The following AGPS variants were observed in gnomAD, a reference collection of about 807,000 sequenced individuals.
AGPS encodes alkylglycerone phosphate synthase, also known as alkyldihydroxyacetonephosphate synthase, peroxisomal.
Under a neutral mutation model 90.7 loss-of-function variants are expected in AGPS, and 26 were observed. The observed-to-expected ratio is 0.29, with a 90% CI of 0.21 to 0.40. AGPS has a LOEUF of 0.40. AGPS is among the 10% of genes least tolerant of loss of function. AGPS has a pLI of 1.00. For synonymous variants in AGPS, 294 were observed against 285.3 expected, an observed-to-expected ratio of 1.03 and a Z score of -0.31; for missense variants, 540 against 816.1, an observed-to-expected ratio of 0.66 and a Z score of 4.12.
chr2:177,521,312 T>G lies in AGPS; in HGVS notation c.1741T>G (p.Phe581Val). 1 of 1,614,118 alleles carries G rather than the reference T, an allele frequency of 6.2e-7. No homozygotes were observed. Among genetic ancestry groups the G allele is most frequent in the Non-Finnish European group, 8.5e-7 (1 of 1,179,968 alleles). The change falls in exon 18 of 20, where the codon TTT becomes GTT. Residue 581 changes from phenylalanine (F) to valine (V), a missense_variant. Physicochemically the swap from Phe to Val is conservative, Grantham distance 50 (BLOSUM62 -1). Around this residue, in one of 2 missense-constraint regions of AGPS, gnomAD observed 405 missense variants for 692.1 expected, o/e 0.59. Transcript: ENST00000264167. Reference protein sequence around the residue: ...YDAGACIYFYFAFNYRGISDP... With the variant: ...YDAGACIYFYVAFNYRGISDP... ...TGCAGGTGCTTGTATCTACTTCTAT[T>G]TTGCCTTTAACTACAGGGGAATTAG...
At chr2:177,454,399 G>T (rs1354584723) in intron 8 of AGPS, among the ~76,000 whole-genome samples, 2 of 151,414 alleles carry the variant, frequency 1.3e-5, no homozygotes, top group African/African-American at 4.9e-5. Context: ...TTTAATTTGG[G>T]CCTTTTTATA....
chr2:177,518,422 G>A lies in AGPS; in HGVS notation c.1698-2847G>A, dbSNP rs562308271. 2.1e-3 allele frequency among the ~76,000 whole-genome samples: 325 copies of A among 151,998 alleles called. 1 individual carries two copies. The highest frequency in any genetic ancestry group is 3.5e-3 in the Non-Finnish European group (241 of 67,942). On this transcript the variant is annotated intron_variant, in intron 17 of 19. Transcript: ENST00000264167. ...CTACACTCCAGCCTGGGCAACAATA[G>A]CAAAACTACATCTCAAAAGAAAAAA...
intron 1 of AGPS, among the ~76,000 whole-genome samples, chr2:177,412,780 T>C (rs1275953302): frequency 6.6e-6 from 1 of 152,042 alleles, no homozygotes; most frequent in Non-Finnish European, 1.5e-5. Flanking sequence ...TCTTGGGCCA[T>C]GTGGTGAGTG....
chr2:177,484,581 G>A (rs1191826415), intron 11 of AGPS, among the ~76,000 whole-genome samples: 1 of 151,860 alleles, frequency 6.6e-6, no homozygotes, highest in Non-Finnish European at 1.5e-5. Context: ...CCTGACCTCA[G>A]GTGATCCGCC....
At chr2:177,444,672 A>G (rs1268668137) in intron 7 of AGPS, among the ~76,000 whole-genome samples, 1 of 152,072 alleles carries the variant, frequency 6.6e-6, no homozygotes, top group African/African-American at 2.4e-5. Context: ...ATTATTAAGT[A>G]GATTTATCTA....
In AGPS at chr2:177,534,109, C is replaced by T. The variant is rs868516149; in HGVS notation, c.1856-3965C>T. On this transcript the variant is annotated intron_variant, in intron 19 of 19. Coordinates refer to ENST00000264167, the MANE Select transcript of AGPS (RefSeq NM_003659.4). Reference sequence around the variant, plus strand: ...GCTAGAGACCTCTGTGACCAGCAGACGCTGGATTTATCCCTTTTAGATTAG... The same window carrying T: ...GCTAGAGACCTCTGTGACCAGCAGATGCTGGATTTATCCCTTTTAGATTAG... 1.2e-4 allele frequency among the ~76,000 whole-genome samples: 18 copies of T among 152,268 alleles called. No individual in the cohort carries two copies. In the South Asian group the frequency reaches 2.9e-3, roughly 25 times the overall value.
At chr2:177,400,365 G>T (rs1379135855) in intron 1 of AGPS, among the ~76,000 whole-genome samples, 9 of 152,080 alleles carry the variant, frequency 5.9e-5, no homozygotes, top group African/African-American at 2.2e-4. Flanking sequence ...CATTCTTAAA[G>T]ACTAGATTCT....
At chr2:177,523,908 T>G in intron 19 of AGPS, 103 bp downstream of exon 19, 1 of 992,876 alleles carries the variant, frequency 1.0e-6, no homozygotes, top group Non-Finnish European at 1.6e-6. Flanking sequence ...ATGAGAGTAC[T>G]TGAGGTTTCT....
intron 14 of AGPS, among the ~76,000 whole-genome samples, chr2:177,502,451 C>T (rs1404467605): frequency 4.3e-5 from 6 of 140,218 alleles, no homozygotes; most frequent in African/African-American, 1.7e-4. Context: ...CTTGCTCTGT[C>T]ACTCAGGCTG....
intron 5 of AGPS, among the ~76,000 whole-genome samples, chr2:177,439,107 A>G (rs151323013): frequency 6.6e-6 from 1 of 152,334 alleles, no homozygotes; most frequent in Admixed American, 6.5e-5. Flanking sequence ...AAGGACAATT[A>G]CTTCACTTAT....
chr2:177,392,932 G>C lies in AGPS; in HGVS notation c.143G>C (p.Arg48Pro), dbSNP rs1685060810. The change falls in exon 1 of 20, where the codon CGG becomes CCG. Residue 48 changes from arginine (R) to proline (P), a missense_variant. Physicochemically the swap from Arg to Pro is moderately radical, Grantham distance 103. Transcript: ENST00000264167. ...LRVLSGHLLG[R>P]PREALSTNEC... The stretch of plus-strand genomic sequence containing the variant: ...GTTCTCTCTGGCCATCTGCTGGGCC[G>C]GCCCCGGGAGGCTCTGAGTACCAAT... The C allele has an allele frequency of 6.5e-7, 1 of 1,549,990 alleles. No homozygotes were observed. The highest frequency in any genetic ancestry group is 1.4e-5 in the African/African-American group (1 of 73,040).
intron 1 of AGPS, among the ~76,000 whole-genome samples, chr2:177,402,007 T>C (rs529479454): frequency 3.3e-5 from 5 of 152,352 alleles, no homozygotes; most frequent in African/African-American, 4.8e-5. Flanking sequence ...TTGGGCTATG[T>C]CAGTGAACAA....
intron 19 of AGPS, among the ~76,000 whole-genome samples, chr2:177,525,585 G>T (rs1345344511): frequency 6.6e-6 from 1 of 152,170 alleles, no homozygotes; most frequent in Non-Finnish European, 1.5e-5. Context: ...CTGCAAGAGG[G>T]TGAGAGCAGC....
chr2:177,517,838 C>T (rs898204257), intron 17 of AGPS, among the ~76,000 whole-genome samples: 2 of 152,064 alleles, frequency 1.3e-5, no homozygotes, highest in Non-Finnish European at 2.9e-5. Flanking sequence ...ATCATTTGTC[C>T]TACTGATATC....
chr2:177,534,169 G>A (rs925546598), intron 19 of AGPS, among the ~76,000 whole-genome samples: 3 of 152,148 alleles, frequency 2.0e-5, no homozygotes, highest in Non-Finnish European at 4.4e-5. Context: ...TCTTCAATCC[G>A]TTAAGCCTCA....
At chr2:177,425,690 T>G (rs1686061577) in intron 2 of AGPS, among the ~76,000 whole-genome samples, 1 of 150,134 alleles carries the variant, frequency 6.7e-6, no homozygotes, top group Non-Finnish European at 1.5e-5. Context: ...TTGTTGAAGA[T>G]CAGATGGTTG....
At chr2:177,414,271 A>G (rs949158780) in intron 1 of AGPS, among the ~76,000 whole-genome samples, 2 of 152,058 alleles carry the variant, frequency 1.3e-5, no homozygotes, top group Admixed American at 6.6e-5. Context: ...TGCAGTGGCA[A>G]TCATGGCTCA....
intron 8 of AGPS, 39 bp from the exon 9 acceptor site, chr2:177,461,854 A>C (rs1447663983): frequency 1.9e-6 from 3 of 1,584,948 alleles, no homozygotes; most frequent in Middle Eastern, 1.7e-4. Context: ...ACGTAATGGG[A>C]CCATTTTCAC....
intron 17 of AGPS, among the ~76,000 whole-genome samples, chr2:177,518,728 T>A (rs1238990835): frequency 7.0e-6 from 1 of 143,792 alleles, no homozygotes; most frequent in Non-Finnish European, 1.5e-5. Flanking sequence ...TAGGGACTCA[T>A]AGACATTTTA....
Sources: gnomAD v4.1 joint callset for allele counts (sites outside exome capture counted in the v4.1 genomes callset) on GRCh38, gnomAD v4.1.1 for gene constraint, gnomAD v4.1.1 regional missense constraint, MANE v1.5 for transcripts, NCBI Gene and HGNC (gene_info 2026-07-23, HGNC 2026-07-21) for gene names.